The following TMEM212 variants were observed in gnomAD, a reference collection of about 807,000 sequenced individuals.
The protein encoded by TMEM212 is transmembrane protein 212.
In TMEM212, 23 loss-of-function variants were observed where a neutral mutation model predicts 20.5. The ratio of observed to expected loss-of-function variants is 1.12; its 90% CI spans 0.81 to 1.59. TMEM212 has a LOEUF of 1.59. Among genes scored for constraint, TMEM212 ranks in the 40% most tolerant of loss-of-function variants. The pLI is 0.00. For synonymous variants in TMEM212, 76 were observed against 81.6 expected (o/e 0.93, Z 0.37); for missense variants, 211 against 215.0 (o/e 0.98, Z 0.12).
intron 1 of TMEM212, among the ~76,000 whole-genome samples, chr3:171,849,035 G>C (rs142672284): frequency 1.1e-4 from 17 of 152,012 alleles, no homozygotes; most frequent in African/African-American, 4.1e-4. Context: ...TCTCACCCTG[G>C]TATTACCTGG....
intron 2 of TMEM212, 30 bp from the exon 3 acceptor site, chr3:171,853,497 A>G (rs1725036213): frequency 6.6e-7 from 1 of 1,514,670 alleles, no homozygotes; most frequent in South Asian, 1.2e-5. Flanking sequence ...TTGTTCCCAA[A>G]GTAACAATTT....
At chr3:171,848,734 G>A (rs1258680225) in intron 1 of TMEM212, among the ~76,000 whole-genome samples, 1 of 151,852 alleles carries the variant, frequency 6.6e-6, no homozygotes, top group African/African-American at 2.4e-5. Flanking sequence ...GCATCATAAT[G>A]CATATGATGC....
Position 171,843,424 on chromosome 3 carries a change from C to T in TMEM212, c.41C>T (p.Thr14Ile). 1 of 1,536,820 alleles carries T rather than the reference C, an allele frequency of 6.5e-7. No individual in the cohort carries two copies. The highest frequency in any genetic ancestry group is 1.4e-5 in the African/African-American group (1 of 73,162). ...LYQAAGRILV[T>I]LGILSVCSGV... ...CAGGCTGCTGGCCGGATTCTTGTTA[C>T]TCTGGGGATCCTCAGTGTATGCTCT... is the stretch of plus-strand genomic sequence containing the variant. The change falls in exon 1 of 5, where the codon ACT (threonine) becomes ATT (isoleucine). Residue 14 changes from threonine to isoleucine, a missense_variant. By Grantham distance (89) the Thr-to-Ile change is moderately conservative. Coordinates refer to ENST00000334567, the MANE Select transcript of TMEM212 (RefSeq NM_001164436.2).
Position 171,850,503 on chromosome 3 carries a change from G to A in TMEM212, c.160-1479G>A, listed in dbSNP as rs562926846. Among the ~76,000 whole-genome samples, 6 of 152,300 alleles carry A rather than the reference G, an allele frequency of 3.9e-5. No homozygotes were observed. In the East Asian group the frequency reaches 5.8e-4, roughly 15 times the overall value. ...CTCAGAGTTAAACCAGCAGAGGGGC[G>A]TGAGCCTGTCTCCCTTGCTTATCTG... On this transcript the variant is annotated intron_variant, in intron 1 of 4. Transcript: ENST00000334567.
chr3:171,853,761 G>C lies in TMEM212; in HGVS notation c.454G>C (p.Asp152His), dbSNP rs2108381879. ...EEYHLTLQAL[D>H]LCLSFTLLCT... ...GTACCACCTGACACTTCAAGCCCTA[G>C]ACCTGTGCCTAAGCTTTACCCTACT... The change falls in exon 3 of 5, where the codon GAC (aspartate) becomes CAC (histidine). Residue 152 changes from aspartate (D) to histidine (H), a missense_variant. Physicochemically the swap from Asp to His is moderately conservative, Grantham distance 81 (BLOSUM62 -1). Coordinates refer to ENST00000334567, the MANE Select transcript of TMEM212 (RefSeq NM_001164436.2). 4.6e-6 allele frequency: 7 copies of C among 1,537,342 alleles called. No individual in the cohort carries two copies. The highest frequency in any genetic ancestry group is 6.1e-6 in the Non-Finnish European group (7 of 1,146,898).
At chr3:171,850,572 G>A (rs1309206528) in intron 1 of TMEM212, among the ~76,000 whole-genome samples, 3 of 152,188 alleles carry the variant, frequency 2.0e-5, no homozygotes, top group Non-Finnish European at 4.4e-5. Flanking sequence ...TGTGTCAATT[G>A]AGGGCCATGC....
At chr3:171,853,322 T>TG (rs201371520) in intron 2 of TMEM212, among the ~76,000 whole-genome samples, 21 of 132,198 alleles carry the variant, frequency 1.6e-4, no homozygotes, top group East Asian at 6.3e-4. Context: ...ACTTAAAAAG[T>TG]GAAAAAAAAA....
chr3:171,854,572 C>T (rs909569616), intron 3 of TMEM212, among the ~76,000 whole-genome samples: 2 of 152,172 alleles, frequency 1.3e-5, no homozygotes, highest in Non-Finnish European at 2.9e-5. Context: ...CCATTCTACT[C>T]AAAGCGATCT....
intron 1 of TMEM212, 87 bp downstream of exon 1, chr3:171,843,629 G>C: frequency 1.7e-6 from 2 of 1,188,668 alleles, no homozygotes; most frequent in Non-Finnish European, 1.1e-6. Flanking sequence ...CTTTTAAATT[G>C]TTCTAACAAT....
Position 171,851,989 on chromosome 3 carries a change from C to A in TMEM212, c.167C>A (p.Thr56Lys). 6.5e-7 allele frequency: 1 copy of A among 1,537,012 alleles called. No individual in the cohort carries two copies. Among genetic ancestry groups the A allele is most frequent in the South Asian group, 1.2e-5 (1 of 84,048 alleles). The change falls in exon 2 of 5, where the codon ACA (threonine) becomes AAA (lysine). Residue 56 changes from threonine (T) to lysine (K), a missense_variant. By Grantham distance (78) the Thr-to-Lys change is moderately conservative (BLOSUM62 -1). Transcript: ENST00000334567. ...TCCATTTTCTTGTCACAGGCCATCA[C>A]AACTGGTGTGCTTCTACTGTTGGCT... Reference protein sequence around the residue: ...CPIWNGALAITTGVLLLLAYR... With the variant: ...CPIWNGALAIKTGVLLLLAYR...
At chr3:171,855,181 TG>T (rs1416447950) in intron 3 of TMEM212, among the ~76,000 whole-genome samples, 1 of 152,218 alleles carries the variant, frequency 6.6e-6, no homozygotes, top group Admixed American at 6.5e-5. Flanking sequence ...TTCTTCAGAT[TG>T]ATACCTCAAA....
intron 1 of TMEM212, among the ~76,000 whole-genome samples, chr3:171,851,194 T>C (rs1222826932): frequency 6.6e-6 from 1 of 152,214 alleles, no homozygotes; most frequent in Non-Finnish European, 1.5e-5. Flanking sequence ...TATATGCGGA[T>C]TAAGAATAAG....
intron 1 of TMEM212, among the ~76,000 whole-genome samples, chr3:171,844,732 T>C (rs1724795466): frequency 6.6e-6 from 1 of 152,154 alleles, no homozygotes; most frequent in Admixed American, 6.5e-5. Context: ...ATGTAGCCAC[T>C]GTTGTGTGAG....
chr3:171,850,224 A>G (rs955822296), intron 1 of TMEM212, among the ~76,000 whole-genome samples: 1 of 152,162 alleles, frequency 6.6e-6, no homozygotes, highest in African/African-American at 2.4e-5. Context: ...TGGGTGCGCT[A>G]ACCTCTTGAG....
At chr3:171,850,150 T>A (rs1044327283) in intron 1 of TMEM212, among the ~76,000 whole-genome samples, 2 of 152,182 alleles carry the variant, frequency 1.3e-5, no homozygotes, top group Non-Finnish European at 2.9e-5. Context: ...AGGGGAAGTC[T>A]GCGCATCTTG....
chr3:171,857,251 A>C (rs1320129138), intron 4 of TMEM212, among the ~76,000 whole-genome samples: 1 of 152,324 alleles, frequency 6.6e-6, no homozygotes, highest in East Asian at 1.9e-4. Flanking sequence ...CACACATGGA[A>C]TCAAGTAATA....
At chr3:171,848,660 A>G (rs1248237640) in intron 1 of TMEM212, among the ~76,000 whole-genome samples, 1 of 152,086 alleles carries the variant, frequency 6.6e-6, no homozygotes, top group East Asian at 1.9e-4. Context: ...AGTGGAATGG[A>G]ATAGATAATA....
At chr3:171,850,970 C>A (rs1724964210) in intron 1 of TMEM212, among the ~76,000 whole-genome samples, 1 of 152,288 alleles carries the variant, frequency 6.6e-6, no homozygotes, top group East Asian at 1.9e-4. Context: ...CCAGCTGCTA[C>A]AAAAGCAGCA....
intron 3 of TMEM212, 125 bp from the exon 4 acceptor site, chr3:171,856,538 C>T: frequency 2.0e-6 from 1 of 498,050 alleles, no homozygotes; most frequent in Non-Finnish European, 3.6e-6. Context: ...CAAATACACC[C>T]ATTAGCCAGG....
Sources: allele counts gnomAD v4.1 joint callset (sites outside exome capture counted in the v4.1 genomes callset), GRCh38; gene constraint gnomAD v4.1.1; transcripts MANE v1.5; gene names NCBI Gene and HGNC (gene_info 2026-07-23, HGNC 2026-07-21).